CSNK1G3: variants seen among roughly 807,000 people sequenced by gnomAD.
CSNK1G3 encodes casein kinase 1 gamma 3, also known as casein kinase I isoform gamma-3.
A neutral mutation model predicts 64.3 loss-of-function variants in CSNK1G3; 23 were observed. The ratio of observed to expected loss-of-function variants is 0.36; its 90% confidence interval spans 0.26 to 0.51. The LOEUF (loss-of-function observed/expected upper bound fraction) is 0.51. Ranked by LOEUF, CSNK1G3 falls within the 20% of genes least tolerant of loss-of-function variation. The pLI is 0.96. For synonymous variants in CSNK1G3, 158 were observed against 162.2 expected (o/e 0.97, Z 0.20); for missense variants, 357 against 510.5 (o/e 0.70, Z 2.90).
At chr5:123,576,056 TATA>T (rs1206600377) in intron 6 of CSNK1G3, 93 bp downstream of exon 6, 2 of 690,896 alleles carry the variant, frequency 2.9e-6, no homozygotes, top group Non-Finnish European at 4.8e-6. Flanking sequence ...TTTTGCAGAT[TATA>T]ATAGCTTTTA....
At chr5:123,587,560 C>G (rs1791557392) in intron 6 of CSNK1G3, among the ~76,000 whole-genome samples, 1 of 152,124 alleles carries the variant, frequency 6.6e-6, no homozygotes, top group Admixed American at 6.5e-5. Flanking sequence ...GTGTCAAACA[C>G]AAGTTTTTCT....
intron 1 of CSNK1G3, among the ~76,000 whole-genome samples, chr5:123,514,751 C>G (rs1423154311): frequency 6.6e-6 from 1 of 151,562 alleles, no homozygotes; most frequent in African/African-American, 2.4e-5. Flanking sequence ...AAGGGAACAG[C>G]CTGAGGAAAG....
At chr5:123,555,910 A>G (rs897564293) in intron 3 of CSNK1G3, among the ~76,000 whole-genome samples, 1 of 152,116 alleles carries the variant, frequency 6.6e-6, no homozygotes, top group African/African-American at 2.4e-5. Flanking sequence ...TTAACTGAAG[A>G]ATTATAGGTA....
At chr5:123,527,810 C>T (rs1779331029) in intron 1 of CSNK1G3, among the ~76,000 whole-genome samples, 1 of 152,140 alleles carries the variant, frequency 6.6e-6, no homozygotes, top group Admixed American at 6.5e-5. Context: ...GAAGCATACC[C>T]TTTTACCAAA....
intron 10 of CSNK1G3, among the ~76,000 whole-genome samples, chr5:123,599,429 A>C (rs1794047595): frequency 6.6e-6 from 1 of 152,230 alleles, no homozygotes; most frequent in South Asian, 2.1e-4. Flanking sequence ...TGTAATAAGC[A>C]GTCTGATCTT....
intron 2 of CSNK1G3, among the ~76,000 whole-genome samples, chr5:123,547,011 A>G (rs1040865529): frequency 1.3e-5 from 2 of 152,110 alleles, no homozygotes; most frequent in African/African-American, 2.4e-5. Context: ...GAAATTCTTA[A>G]ATTGTTTCAG....
chr5:123,545,729 G>A (rs1301562368), exon 2 of CSNK1G3: 1 of 1,613,534 alleles, frequency 6.2e-7, no homozygotes, highest in East Asian at 2.2e-5. Flanking sequence ...GTGGTCGATC[G>A]GGACACAACA....
At chr5:123,598,305 T>C (rs1004547561) in intron 10 of CSNK1G3, among the ~76,000 whole-genome samples, 14 of 152,144 alleles carry the variant, frequency 9.2e-5, no homozygotes. Context: ...AATTGCTAAG[T>C]GTTCATTATG....
At chr5:123,567,285 A>G (rs942146754) in intron 4 of CSNK1G3, among the ~76,000 whole-genome samples, 1 of 152,176 alleles carries the variant, frequency 6.6e-6, no homozygotes, top group Non-Finnish European at 1.5e-5. Flanking sequence ...CAGCCAAACC[A>G]TATCAGTGAC....
chr5:123,554,339 T>C (rs977763131), intron 3 of CSNK1G3, among the ~76,000 whole-genome samples: 1 of 152,152 alleles, frequency 6.6e-6, no homozygotes, highest in African/African-American at 2.4e-5. Flanking sequence ...TCAGCGTTTC[T>C]TAGAGGTGGA....
intron 6 of CSNK1G3, among the ~76,000 whole-genome samples, chr5:123,577,899 A>G (rs933163647): frequency 6.6e-6 from 1 of 151,932 alleles, no homozygotes; most frequent in African/African-American, 2.4e-5. Flanking sequence ...CTTTTCTAGA[A>G]GCAATCACTG....
intron 2 of CSNK1G3, among the ~76,000 whole-genome samples, chr5:123,549,084 TTA>T (rs1355501754): frequency 9.2e-5 from 14 of 152,216 alleles, no homozygotes; most frequent in Admixed American, 3.9e-4. Context: ...TTTTGCATCA[TTA>T]TATAAAGTTG....
At chr5:123,599,012 A>G (rs904213914) in intron 10 of CSNK1G3, among the ~76,000 whole-genome samples, 1 of 152,186 alleles carries the variant, frequency 6.6e-6, no homozygotes, top group African/African-American at 2.4e-5. Flanking sequence ...ATGTTTCTAC[A>G]TGGCAAATCA....
At chr5:123,563,763 G>A (rs1324057582) in intron 4 of CSNK1G3, among the ~76,000 whole-genome samples, 1 of 152,016 alleles carries the variant, frequency 6.6e-6, no homozygotes, top group Non-Finnish European at 1.5e-5. Context: ...TCTGCTCTAT[G>A]TATATTATAA....
At chr5:123,528,948 G>A (rs1281883419) in intron 1 of CSNK1G3, among the ~76,000 whole-genome samples, 2 of 152,158 alleles carry the variant, frequency 1.3e-5, no homozygotes, top group East Asian at 3.8e-4. Flanking sequence ...CCCAGTTGAC[G>A]TTGAATAAAG....
chr5:123,542,849 A>AGT (rs66645709), intron 1 of CSNK1G3, among the ~76,000 whole-genome samples: 20,906 of 134,718 alleles, frequency 0.16, 1,626 homozygotes, highest in Non-Finnish European at 0.17. Flanking sequence ...GCCTAGATTT[A>AGT]GTGTGTGTGT....
chr5:123,594,721 C>A (rs985690273), intron 10 of CSNK1G3, among the ~76,000 whole-genome samples: 2 of 152,082 alleles, frequency 1.3e-5, no homozygotes, highest in African/African-American at 2.4e-5. Flanking sequence ...CTTTCTTGGT[C>A]ATGGCATTTT....
At chr5:123,592,710 A>G (rs1299813295) in intron 10 of CSNK1G3, among the ~76,000 whole-genome samples, 3 of 151,014 alleles carry the variant, frequency 2.0e-5, no homozygotes, top group Non-Finnish European at 4.4e-5. Context: ...ATAAAATGCT[A>G]CATTTTAGGG....
exon 13 of CSNK1G3, chr5:123,616,426 TAAG>T (rs1749465322): frequency 6.6e-6 from 1 of 152,600 alleles, no homozygotes; most frequent in African/African-American, 2.4e-5. Flanking sequence ...TCCTTATACA[TAAG>T]AAGGTGTGTA....
Sources: gnomAD v4.1 joint callset for allele counts (sites outside exome capture counted in the v4.1 genomes callset) on GRCh38, gnomAD v4.1.1 for gene constraint, MANE v1.5 for transcripts, NCBI Gene and HGNC (gene_info 2026-07-23, HGNC 2026-07-21) for gene names.